CFAP410: variants seen among roughly 807,000 people sequenced by gnomAD.
The protein encoded by CFAP410 is cilia and flagella associated protein 410.
CFAP410 carries 27 observed loss-of-function variants against 25.7 expected under a neutral mutation model. The observed-to-expected ratio is 1.05, with a 90% confidence interval of 0.77 to 1.45. The LOEUF (loss-of-function observed/expected upper bound fraction) is 1.45, where lower values mean the gene tolerates loss of function less well. CFAP410 is among the 40% of genes most tolerant of loss of function. CFAP410 has a pLI of 0.00. For missense variants in CFAP410, 428 were observed against 354.1 expected (o/e 1.21, Z -1.67); for synonymous variants, 178 against 158.4 (o/e 1.12, Z -0.93).
chr21:44,338,962 C>T (rs2047812593), intron 1 of CFAP410, among the ~76,000 whole-genome samples, 156 bp downstream of exon 1: 1 of 98,186 alleles, frequency 1.0e-5, no homozygotes, highest in Non-Finnish European at 2.1e-5. Flanking sequence ...CCTCTCCCCG[C>T]CCCGGCTCCT....
intron 1 of CFAP410, chr21:44,338,374 A>G (rs1302873635): frequency 8.5e-7 from 1 of 1,172,350 alleles, no homozygotes; most frequent in Non-Finnish European, 1.1e-6. Context: ...GCAGGCCTCA[A>G]CTCCAGGCTC....
intron 4 of CFAP410, chr21:44,332,348 A>G (rs1010732525): frequency 3.8e-6 from 1 of 263,424 alleles, no homozygotes; most frequent in African/African-American, 2.2e-5. Context: ...TCTCTCATAT[A>G]TCAATTTCCC....
Position 44,333,208 on chromosome 21 carries a change from C to T in CFAP410, c.198G>A (p.Glu66=). The change falls in exon 4 of 7, where the codon GAG becomes GAA. Residue 66 remains glutamate, a synonymous_variant. Coordinates refer to ENST00000339818, the MANE Select transcript of CFAP410 (RefSeq NM_004928.3). ...GGATGCGGTTCCTCCGCAGGTACAGCTCACTCAGGCGCTGGCACCGGCTCA... is the reference window on the plus strand; with the variant it reads ...GGATGCGGTTCCTCCGCAGGTACAGTTCACTCAGGCGCTGGCACCGGCTCA... ...EPVSRCQRLS[E]LYLRRNRIPS... The T allele has an allele frequency of 6.2e-7, 1 of 1,612,970 alleles. No homozygotes were observed. Among genetic ancestry groups the T allele is most frequent in the Non-Finnish European group, 8.5e-7 (1 of 1,179,950 alleles).
At position 44,334,221 on chromosome 21, in the gene CFAP410, C is replaced by A. The variant is rs1383449904; in HGVS notation, c.144-959G>T. 5 of 456,190 alleles carry A rather than the reference C, an allele frequency of 1.1e-5. No homozygotes were observed. In the Middle Eastern group the frequency reaches 9.7e-4, roughly 88 times the overall value. 28.3% of individuals were successfully genotyped at this position (456,190 alleles called of 1,614,324 possible). On this transcript the variant is annotated intron_variant, in intron 3 of 6. Transcript: ENST00000339818. ...ACCACGCACCTGAGCTCGGTCAACA[C>A]CCCTGGGGTCCTGTCCCTCCCGAGA...
intron 4 of CFAP410, 72 bp downstream of exon 4, chr21:44,332,961 A>G: frequency 9.6e-7 from 1 of 1,037,418 alleles, no homozygotes; most frequent in East Asian, 2.6e-5. Flanking sequence ...AGGAGAAGAG[A>G]AAAGAGGGCT....
intron 2 of CFAP410, among the ~76,000 whole-genome samples, chr21:44,336,318 G>C (rs1211847051): frequency 6.6e-6 from 1 of 152,190 alleles, no homozygotes; most frequent in Admixed American, 6.5e-5. Context: ...CAGCAGTGGA[G>C]ACAGAGCATT....
Position 44,338,769 on chromosome 21 carries a change from C to T in CFAP410, c.77+349G>A, listed in dbSNP as rs866728454. 5.7e-5 allele frequency: 8 copies of T among 139,226 alleles called. No individual in the cohort carries two copies. The East Asian group carries it at 1.8e-3, about 31-fold the overall frequency. 8.6% of individuals were successfully genotyped at this position (139,226 alleles called of 1,614,324 possible). ...CTCCCCCCTTCCACTCCGCCCCCGC[C>T]CCGCCCCGCCCCGGCTCCTCCCTCC... On this transcript the variant is annotated intron_variant, in intron 1 of 6. Transcript: ENST00000339818.
Position 44,330,184 on chromosome 21 carries a change from T to A in CFAP410, c.*14A>T. ...GGTCCCCGTGGAGGCTGGAGCGGCG[T>A]TCAGGTCCTGCGGTCACTCGGCGTG... On this transcript the variant is annotated 3_prime_UTR_variant, in exon 7 of 7. Coordinates refer to ENST00000339818, the MANE Select transcript of CFAP410 (RefSeq NM_004928.3). 6.4e-7 allele frequency: 1 copy of A among 1,553,608 alleles called. No individual in the cohort carries two copies. Among genetic ancestry groups the A allele is most frequent in the Non-Finnish European group, 8.7e-7 (1 of 1,154,960 alleles).
intron 6 of CFAP410, 169 bp downstream of exon 6, chr21:44,330,654 C>T (rs2047628685): frequency 2.6e-6 from 4 of 1,548,498 alleles, no homozygotes; most frequent in Admixed American, 2.0e-5. Context: ...TGCGCATTCA[C>T]AGACCCGCAC....
intron 3 of CFAP410, 48 bp downstream of exon 3, chr21:44,335,710 C>T (rs751468650): frequency 3.5e-5 from 52 of 1,483,654 alleles, no homozygotes; most frequent in Non-Finnish European, 4.0e-5. Flanking sequence ...TGAGGCTCTG[C>T]CCCGGCTTCC....
chr21:44,337,519 G>C (rs760096478), intron 2 of CFAP410, 130 bp downstream of exon 2: 1 of 723,086 alleles, frequency 1.4e-6, no homozygotes, highest in Non-Finnish European at 2.4e-6. Flanking sequence ...AAAGTACCAA[G>C]TGTGGGACTG....
At chr21:44,331,753 G>A (rs550402758) in intron 5 of CFAP410, 90 bp downstream of exon 5, 54 of 1,229,696 alleles carry the variant, frequency 4.4e-5, no homozygotes, top group Middle Eastern at 2.7e-4. Context: ...TCCCAGAGAC[G>A]CAGCTCACGG....
In CFAP410 at chr21:44,339,154, G is replaced by A. The variant is rs1318179882; in HGVS notation, c.41C>T (p.Ala14Val). 1 of 1,474,310 alleles carries A rather than the reference G, an allele frequency of 6.8e-7. No individual in the cohort carries two copies. Among genetic ancestry groups the A allele is most frequent in the Non-Finnish European group, 9.0e-7 (1 of 1,109,350 alleles). The allele number at this position is 1,474,310 out of a possible 1,614,324, so 91.3% of individuals were successfully genotyped here. The change falls in exon 1 of 7, where the codon GCC becomes GTC. Residue 14 changes from alanine (A) to valine (V), a missense_variant. Coordinates refer to ENST00000339818, the MANE Select transcript of CFAP410 (RefSeq NM_004928.3). ...CTTGCGCACGCTGTGCAGCTCCGAG[G>A]CCTTGGCCCGGGTCAGAACCATCTT... ...TRKMVLTRAK[A>V]SELHSVRKLN... is the part of the protein sequence containing the mutation.
At chr21:44,334,516 CA>C (rs1476200772) in intron 3 of CFAP410, 20 of 112,960 alleles carry the variant, frequency 1.8e-4, no homozygotes, top group Non-Finnish European at 1.9e-4. Flanking sequence ...CGGGCACGCG[CA>C]CCCCCCCCCC....
rs2047657561 is a variant in CFAP410 at position 44,331,975 on chromosome 21, C to G, written c.413G>C (p.Gly138Ala). The G allele has an allele frequency of 1.2e-6, 2 of 1,613,072 alleles. No homozygotes were observed. The highest frequency in any genetic ancestry group is 3.3e-5 in the Admixed American group (2 of 59,898). ...EEELSRALSE[G>A]EEITAAPERE... ...CTCTGGGGCCGCAGTGATCTCCTCT[C>G]CCTCACTCAGTGCACGGGACAGCTC... Residue 138 changes from glycine (G) to alanine (A), a missense_variant, in exon 5 of 7, where the codon GGA (glycine) becomes GCA (alanine). Gly to Ala is a moderately conservative substitution (Grantham distance 60). Transcript: ENST00000339818.
chr21:44,334,388 A>G (rs539014020), intron 3 of CFAP410: 3 of 411,520 alleles, frequency 7.3e-6, no homozygotes, highest in Admixed American at 2.6e-5. Context: ...CACAAGCTCC[A>G]CGTTTCCCTG....
rs941007004 is a variant in CFAP410, at chr21:44,336,552, T to C, written c.97-748A>G. On this transcript the variant is annotated intron_variant, in intron 2 of 6. Transcript: ENST00000339818. Reference sequence around the variant, plus strand: ...CCTCACAACCTGCAAAGCTCCCACATATGTGAGAGCCCACCATACGCCAGG... The same window carrying C: ...CCTCACAACCTGCAAAGCTCCCACACATGTGAGAGCCCACCATACGCCAGG... 2.6e-5 allele frequency among the ~76,000 whole-genome samples: 4 copies of C among 152,128 alleles called. 1 individual carries two copies. The highest frequency in any genetic ancestry group is 2.6e-4 in the Admixed American group (4 of 15,276).
chr21:44,339,176 T>C lies in CFAP410; in HGVS notation c.19A>G (p.Met7Val). Reference protein sequence around the residue: MKLTRKMVLTRAKASEL... With the variant: MKLTRKVVLTRAKASEL... ...GAGGCCTTGGCCCGGGTCAGAACCA[T>C]CTTCCGCGTCAGCTTCATGGCGGCC... The change falls in exon 1 of 7, where the codon ATG becomes GTG. Residue 7 changes from methionine (M) to valine (V), a missense_variant. By Grantham distance (21) the Met-to-Val change is conservative (BLOSUM62 1). Coordinates refer to ENST00000339818, the MANE Select transcript of CFAP410 (RefSeq NM_004928.3). 6.8e-7 allele frequency: 1 copy of C among 1,467,954 alleles called. No homozygotes were observed. The highest frequency in any genetic ancestry group is 9.0e-7 in the Non-Finnish European group (1 of 1,105,736). The allele number at this position is 1,467,954 out of a possible 1,614,324, so 90.9% of individuals were successfully genotyped here.
intron 3 of CFAP410, chr21:44,334,274 C>G (rs1224929436): frequency 6.6e-6 from 3 of 456,124 alleles, no homozygotes; most frequent in Admixed American, 2.3e-5. Flanking sequence ...CACACACGAG[C>G]GGCCTGATGC....
Sources: gnomAD v4.1 joint callset for allele counts (sites outside exome capture counted in the v4.1 genomes callset) on GRCh38, gnomAD v4.1.1 for gene constraint, MANE v1.5 for transcripts, NCBI Gene and HGNC (gene_info 2026-07-23, HGNC 2026-07-21) for gene names.